RBFOX1: variants seen among roughly 807,000 people sequenced by gnomAD.
RBFOX1 encodes RNA binding fox-1 homolog 1.
A neutral mutation model predicts 57.7 loss-of-function variants in RBFOX1; 8 were observed. The observed-to-expected ratio is 0.14, with a 90% CI of 0.08 to 0.25. The LOEUF is 0.25. Among genes scored for constraint, RBFOX1 ranks in the 10% least tolerant of loss-of-function variants. RBFOX1 has a pLI of 1.00. For missense variants in RBFOX1, 611 were observed against 548.5 expected, an observed-to-expected ratio of 1.11 and a Z score of -1.14; for synonymous variants, 326 against 222.4, an observed-to-expected ratio of 1.47 and a Z score of -4.15.
At chr16:7,464,394 C>G (rs947477468) in intron 4 of RBFOX1, among the ~76,000 whole-genome samples, 5 of 151,946 alleles carry the variant, frequency 3.3e-5, no homozygotes, top group Admixed American at 6.6e-5. Flanking sequence ...CAGTCGCATC[C>G]AAGATCAAAC....
chr16:6,493,568 T>C (rs2095685424), intron 2 of RBFOX1, among the ~76,000 whole-genome samples: 1 of 152,218 alleles, frequency 6.6e-6, no homozygotes, highest in South Asian at 2.1e-4. Flanking sequence ...AAATTGTATT[T>C]TGTGCCGAAT....
At chr16:7,682,269 C>G (rs1010291326) in intron 14 of RBFOX1, among the ~76,000 whole-genome samples, 3 of 152,108 alleles carry the variant, frequency 2.0e-5, no homozygotes, top group Non-Finnish European at 2.9e-5. Context: ...TCTGAGAAAT[C>G]TGTTGGAAAA....
chr16:7,518,931 G>A (rs760562496), intron 5 of RBFOX1, among the ~76,000 whole-genome samples: 87 of 152,302 alleles, frequency 5.7e-4, no homozygotes, highest in Middle Eastern at 6.8e-3. Flanking sequence ...ACTGAGGTGG[G>A]AGGATGGCTT....
At chr16:6,523,654 A>G (rs1372486058) in intron 2 of RBFOX1, among the ~76,000 whole-genome samples, 2 of 152,152 alleles carry the variant, frequency 1.3e-5, no homozygotes, top group African/African-American at 4.8e-5. Context: ...AATACATCAT[A>G]AGTATGTTTG....
chr16:6,627,291 G>T (rs1403611882), intron 2 of RBFOX1, among the ~76,000 whole-genome samples: 2 of 152,192 alleles, frequency 1.3e-5, no homozygotes, highest in South Asian at 2.1e-4. Flanking sequence ...CCCTACTTAG[G>T]TGTGCTTACC....
At position 6,296,409 on chromosome 16, in the gene RBFOX1, G is replaced by A. The variant is rs1343819487; in HGVS notation, c.-126-20586G>A. 5.3e-5 allele frequency among the ~76,000 whole-genome samples: 8 copies of A among 151,078 alleles called. No homozygotes were observed. The Admixed American group carries it at 5.3e-4, about 10-fold the overall frequency. ...TCATAGGTGGCTGTTACGATTAAGCGGGGAGGGGATGTACTTTTTTTTTTT... is the reference window on the plus strand; with the variant it reads ...TCATAGGTGGCTGTTACGATTAAGCAGGGAGGGGATGTACTTTTTTTTTTT... On this transcript the variant is annotated intron_variant, in intron 1 of 15. Coordinates refer to ENST00000550418, the MANE Select transcript of RBFOX1 (RefSeq NM_018723.4).
chr16:7,018,191 C>G (rs143057030), intron 3 of RBFOX1, among the ~76,000 whole-genome samples: 1 of 152,086 alleles, frequency 6.6e-6, no homozygotes, highest in Admixed American at 6.6e-5. Context: ...ATTCGTGGAT[C>G]CTGCAAGTTA....
At chr16:6,915,209 C>T (rs186199615) in intron 3 of RBFOX1, among the ~76,000 whole-genome samples, 11 of 152,306 alleles carry the variant, frequency 7.2e-5, no homozygotes, top group African/African-American at 2.6e-4. Context: ...GACCCACTCC[C>T]TTGTTCTCCT....
At chr16:5,908,247 TACAC>T (rs749593984) in intron 4 of RBFOX1, among the ~76,000 whole-genome samples, 25 of 147,550 alleles carry the variant, frequency 1.7e-4, no homozygotes, top group African/African-American at 3.2e-4. Context: ...TACATATACA[TACAC>T]ACACATATAT....
At chr16:5,942,228 C>G (rs1045210114) in intron 4 of RBFOX1, among the ~76,000 whole-genome samples, 3 of 152,098 alleles carry the variant, frequency 2.0e-5, no homozygotes, top group African/African-American at 7.2e-5. Flanking sequence ...GCAGCCTCTC[C>G]ATAGTTTGCA....
intron 3 of RBFOX1, among the ~76,000 whole-genome samples, chr16:7,049,889 A>G (rs1204529533): frequency 1.3e-5 from 2 of 152,180 alleles, no homozygotes; most frequent in Non-Finnish European, 2.9e-5. Context: ...CTTTTTTATC[A>G]TTTTAAAGTA....
intron 2 of RBFOX1, among the ~76,000 whole-genome samples, chr16:6,480,217 A>G (rs1170336584): frequency 1.3e-5 from 2 of 152,366 alleles, no homozygotes; most frequent in East Asian, 3.9e-4. Context: ...TAAAAGTGAT[A>G]CACATGTACA....
chr16:6,286,471 A>G (rs1027047353), intron 1 of RBFOX1, among the ~76,000 whole-genome samples: 2 of 152,196 alleles, frequency 1.3e-5, no homozygotes, highest in Non-Finnish European at 2.9e-5. Context: ...TCCTTCATAC[A>G]TTGGAAGTAC....
At chr16:6,610,743 A>G (rs1334699204) in intron 2 of RBFOX1, among the ~76,000 whole-genome samples, 1 of 152,290 alleles carries the variant, frequency 6.6e-6, no homozygotes, top group East Asian at 1.9e-4. Context: ...CCGCCAAACA[A>G]TCACTACCAT....
At chr16:6,250,004 A>G (rs1036310674) in intron 1 of RBFOX1, among the ~76,000 whole-genome samples, 1 of 151,988 alleles carries the variant, frequency 6.6e-6, no homozygotes, top group Admixed American at 6.6e-5. Flanking sequence ...GTGCGGTAGA[A>G]AGGCCAAAAG....
chr16:6,200,748 A>G (rs1300522008), intron 1 of RBFOX1, among the ~76,000 whole-genome samples: 2 of 152,126 alleles, frequency 1.3e-5, no homozygotes, highest in African/African-American at 4.8e-5. Context: ...TGTTATTGTG[A>G]TGGGATAGAC....
At chr16:5,487,108 C>T (rs1049525810) in intron 2 of RBFOX1, among the ~76,000 whole-genome samples, 2 of 151,712 alleles carry the variant, frequency 1.3e-5, no homozygotes, top group African/African-American at 2.4e-5. Context: ...CTCAGGCAAG[C>T]CCTCCGGGAG....
At chr16:7,219,675 G>A (rs894041514) in intron 4 of RBFOX1, among the ~76,000 whole-genome samples, 7 of 152,180 alleles carry the variant, frequency 4.6e-5, no homozygotes, top group African/African-American at 1.4e-4. Flanking sequence ...CTCCTCTGCC[G>A]TATAGATCCC....
At chr16:5,515,754 G>T (rs1229096939) in intron 2 of RBFOX1, among the ~76,000 whole-genome samples, 1 of 152,162 alleles carries the variant, frequency 6.6e-6, no homozygotes, top group East Asian at 1.9e-4. Flanking sequence ...ATCAAGACTG[G>T]TGAGACTTGC....
Sources: gnomAD v4.1 joint callset for allele counts (sites outside exome capture counted in the v4.1 genomes callset) on GRCh38, gnomAD v4.1.1 for gene constraint, MANE v1.5 for transcripts, NCBI Gene and HGNC (gene_info 2026-07-23, HGNC 2026-07-21) for gene names.